PEBP4: variants seen among roughly 807,000 people sequenced by gnomAD.
The protein encoded by PEBP4 is phosphatidylethanolamine-binding protein 4.
A neutral mutation model predicts 23.9 loss-of-function variants in PEBP4; 22 were observed. The ratio of observed to expected loss-of-function variants is 0.92; its 90% CI spans 0.66 to 1.31. PEBP4 has a LOEUF of 1.31. Among genes scored for constraint, PEBP4 ranks in the 40% most tolerant of loss-of-function variants. PEBP4 has a pLI of 0.00. For missense variants in PEBP4, 324 were observed against 281.7 expected (o/e 1.15, Z -1.07); for synonymous variants, 112 against 99.3 (o/e 1.13, Z -0.76).
chr8:22,795,526 C>T (rs866180394), intron 4 of PEBP4, among the ~76,000 whole-genome samples: 1 of 151,992 alleles, frequency 6.6e-6, no homozygotes, highest in African/African-American at 2.4e-5. Flanking sequence ...TCTACCCTTC[C>T]CTTATTAGTC....
chr8:22,766,148 C>T (rs1304878779), intron 4 of PEBP4, among the ~76,000 whole-genome samples: 3 of 152,252 alleles, frequency 2.0e-5, no homozygotes, highest in Non-Finnish European at 2.9e-5. Context: ...ACCCTCACGC[C>T]ACAGTCTTGG....
At chr8:22,719,794 G>A (rs1804484114) in intron 6 of PEBP4, among the ~76,000 whole-genome samples, 1 of 152,208 alleles carries the variant, frequency 6.6e-6, no homozygotes, top group African/African-American at 2.4e-5. Context: ...GGAAGGCCAG[G>A]GAGGGGCAGG....
intron 5 of PEBP4, among the ~76,000 whole-genome samples, chr8:22,726,556 G>A (rs1226096843): frequency 6.6e-6 from 1 of 152,230 alleles, no homozygotes; most frequent in Non-Finnish European, 1.5e-5. Context: ...GAGGAGGAGG[G>A]GAAAGGGTTC....
chr8:22,883,795 G>T (rs1049149055), intron 3 of PEBP4, among the ~76,000 whole-genome samples: 3 of 152,076 alleles, frequency 2.0e-5, no homozygotes, highest in African/African-American at 4.8e-5. Context: ...ATATCACAGG[G>T]CCTCATTGTC....
chr8:22,752,022 G>A (rs568016163), intron 4 of PEBP4, among the ~76,000 whole-genome samples: 4 of 152,212 alleles, frequency 2.6e-5, no homozygotes, highest in Admixed American at 6.5e-5. Flanking sequence ...TCAGCCTCCC[G>A]AGTAGCTAGG....
chr8:22,831,149 A>C (rs978848773), intron 3 of PEBP4, among the ~76,000 whole-genome samples: 4 of 152,160 alleles, frequency 2.6e-5, no homozygotes, highest in African/African-American at 9.7e-5. Flanking sequence ...GAACTACTTA[A>C]CTTTCATTCA....
At chr8:22,915,328 C>T (rs1446340010) in intron 3 of PEBP4, among the ~76,000 whole-genome samples, 1 of 152,140 alleles carries the variant, frequency 6.6e-6, no homozygotes, top group African/African-American at 2.4e-5. Flanking sequence ...CTCTAAACTC[C>T]ACACCAGGGC....
At position 22,807,896 on chromosome 8, in the gene PEBP4, C is replaced by CATCT. The variant is rs1248009959; in HGVS notation, c.357+9740_357+9741insAGAT. Among the ~76,000 whole-genome samples the CATCT allele has an allele frequency of 5.3e-5, 8 of 150,292 alleles. No homozygotes were observed. The East Asian group carries it at 1.4e-3, about 26-fold the overall frequency. On this transcript the variant is annotated intron_variant, in intron 4 of 6. Coordinates refer to ENST00000256404, the MANE Select transcript of PEBP4 (RefSeq NM_144962.3). ...CTATCCATCCATCCATCCATCCATC[C>CATCT]ACCCACCCAACCTCTGTCCACCTAT...
At chr8:22,753,487 C>T (rs1805310993) in intron 4 of PEBP4, among the ~76,000 whole-genome samples, 1 of 152,178 alleles carries the variant, frequency 6.6e-6, no homozygotes, top group Non-Finnish European at 1.5e-5. Flanking sequence ...GTGAAGCAGC[C>T]TTCTTTTAAT....
chr8:22,788,634 A>G (rs1005202280), intron 4 of PEBP4, among the ~76,000 whole-genome samples: 5 of 152,282 alleles, frequency 3.3e-5, no homozygotes, highest in Middle Eastern at 3.4e-3. Context: ...TCTCTTTTCA[A>G]CTCTAAAATA....
At chr8:22,792,659 G>A (rs1037227414) in intron 4 of PEBP4, among the ~76,000 whole-genome samples, 1 of 152,028 alleles carries the variant, frequency 6.6e-6, no homozygotes, top group Non-Finnish European at 1.5e-5. Context: ...CTAAGTATAC[G>A]TTGCTCTTTC....
rs766691368 is a variant in PEBP4 at position 22,777,306 on chromosome 8, G to T, written c.357+40331C>A. ...CACATTTACAGTGTGGAAGAGGAGG[G>T]TGTGGCTACCCCAGGAGAACTTTCT... is the stretch of plus-strand genomic sequence containing the variant. On this transcript the variant is annotated intron_variant, in intron 4 of 6. Transcript: ENST00000256404. Among the ~76,000 whole-genome samples the T allele has an allele frequency of 3.8e-4, 58 of 152,162 alleles. 1 individual carries two copies. The highest frequency in any genetic ancestry group is 2.0e-3 in the Admixed American group (30 of 15,288).
chr8:22,751,198 G>A (rs1289820841), intron 4 of PEBP4, among the ~76,000 whole-genome samples: 2 of 152,158 alleles, frequency 1.3e-5, no homozygotes, highest in Non-Finnish European at 2.9e-5. Flanking sequence ...GGTTGGGGCT[G>A]GCAAGGGTGA....
At chr8:22,860,168 G>GTATATATATA (rs35419356) in intron 3 of PEBP4, among the ~76,000 whole-genome samples, 2 of 122,766 alleles carry the variant, frequency 1.6e-5, no homozygotes, top group Non-Finnish European at 3.3e-5. Flanking sequence ...ACATATATAT[G>GTATATATATA]TATATATATA....
intron 3 of PEBP4, among the ~76,000 whole-genome samples, chr8:22,838,496 T>C (rs1314129857): frequency 6.6e-6 from 1 of 152,224 alleles, no homozygotes; most frequent in Non-Finnish European, 1.5e-5. Flanking sequence ...CTTTACTTCC[T>C]CCCTCACACA....
chr8:22,871,119 G>A (rs1435663447), intron 3 of PEBP4, among the ~76,000 whole-genome samples: 1 of 152,168 alleles, frequency 6.6e-6, no homozygotes, highest in Non-Finnish European at 1.5e-5. Flanking sequence ...GGCCCTGGGG[G>A]TGAGGGGTCG....
At chr8:22,852,412 G>A (rs1365819180) in intron 3 of PEBP4, among the ~76,000 whole-genome samples, 5 of 151,938 alleles carry the variant, frequency 3.3e-5, no homozygotes, top group African/African-American at 9.7e-5. Flanking sequence ...CATCTTCAAC[G>A]ACCATCCCAA....
At chr8:22,822,925 T>C (rs906591046) in intron 3 of PEBP4, among the ~76,000 whole-genome samples, 13 of 152,206 alleles carry the variant, frequency 8.5e-5, no homozygotes, top group Middle Eastern at 3.6e-3. Flanking sequence ...TAAATAGATG[T>C]TTTGTGAACA....
At chr8:22,774,401 G>T (rs1405697964) in intron 4 of PEBP4, among the ~76,000 whole-genome samples, 1 of 152,220 alleles carries the variant, frequency 6.6e-6, no homozygotes, top group Non-Finnish European at 1.5e-5. Flanking sequence ...GTCACTAATG[G>T]TGAACTTTCA....
Sources: allele counts gnomAD v4.1 joint callset (sites outside exome capture counted in the v4.1 genomes callset), GRCh38; gene constraint gnomAD v4.1.1; transcripts MANE v1.5; gene names NCBI Gene and HGNC (gene_info 2026-07-23, HGNC 2026-07-21).